Variants in COX11 observed in about 807,000 individuals in gnomAD.
COX11 encodes the protein cytochrome c oxidase assembly protein COX11, mitochondrial.
A neutral mutation model predicts 29.4 loss-of-function variants in COX11; 18 were observed. That is an observed-to-expected ratio of 0.61 (90% CI 0.42 to 0.91). COX11 has a LOEUF of 0.91. Ranked by LOEUF, COX11 falls within the 40% of genes least tolerant of loss-of-function variation. COX11 has a pLI of 0.00. For missense variants in COX11, 312 were observed against 346.0 expected (o/e 0.90, Z 0.78); for synonymous variants, 131 against 124.0 (o/e 1.06, Z -0.38).
Position 54,962,581 on chromosome 17 carries a change from C to T in COX11, c.*152G>A, listed in dbSNP as rs1408181119. The T allele has an allele frequency of 1.3e-5, 17 of 1,342,276 alleles. No homozygotes were observed. Among genetic ancestry groups the T allele is most frequent in the Non-Finnish European group, 2.9e-6 (3 of 1,046,806 alleles). 83.1% of individuals were successfully genotyped at this position (1,342,276 alleles called of 1,614,324 possible). The stretch of plus-strand genomic sequence containing the variant: ...TCTTATGATAAAAGCTGAACTTGTT[C>T]TCTCAAGTTTAAGTGAAAAAAATTA... On this transcript the variant is annotated 3_prime_UTR_variant, in exon 4 of 4. Transcript: ENST00000299335.
chr17:54,953,931 A>C (rs2049361366), exon 1 of COX11: 1 of 152,048 alleles, frequency 6.6e-6, no homozygotes, highest in Non-Finnish European at 1.5e-5. Flanking sequence ...TCTTATTATC[A>C]ATTTAGGAAT....
In COX11 at chr17:54,963,383, T is replaced by C. The variant is rs1161941934; in HGVS notation, c.571A>G (p.Thr191Ala). ...ALAFYRAKNP[T>A]DKPVIGISTY... Reference sequence around the variant, plus strand: ...GAAATTCCAATTACTGGTTTGTCAGTAGGATTCTTAGCTCTGTAAAACGCC... The same window carrying C: ...GAAATTCCAATTACTGGTTTGTCAGCAGGATTCTTAGCTCTGTAAAACGCC... Residue 191 changes from threonine to alanine, a missense_variant, in exon 3 of 4, where the codon ACT becomes GCT. Coordinates refer to ENST00000299335, the MANE Select transcript of COX11 (RefSeq NM_004375.5). 5 of 1,612,368 alleles carry C rather than the reference T, an allele frequency of 3.1e-6. No individual in the cohort carries two copies. The highest frequency in any genetic ancestry group is 1.3e-5 in the African/African-American group (1 of 74,870).
At chr17:54,964,229 T>G (rs1849764979) in intron 2 of COX11, among the ~76,000 whole-genome samples, 1 of 152,178 alleles carries the variant, frequency 6.6e-6, no homozygotes, top group African/African-American at 2.4e-5. Context: ...AACATAACTA[T>G]TTACTACTTA....
chr17:54,964,348 C>T, intron 2 of COX11: 1 of 208,500 alleles, frequency 4.8e-6, no homozygotes, highest in South Asian at 8.5e-5. Context: ...ACATTTTTCC[C>T]ATGTCTTCTA....
rs1262544934 is a variant in COX11, at chr17:54,961,450, C to A, written c.*1283G>T. ...AGATTTCAACAGAACTTGTTTGGAA[C>A]AAATACTCACTTAAAACTTCAGCAG... On this transcript the variant is annotated 3_prime_UTR_variant, in exon 4 of 4. Transcript: ENST00000299335. The A allele has an allele frequency of 6.8e-7, 1 of 1,480,340 alleles. No homozygotes were observed. Among genetic ancestry groups the A allele is most frequent in the Admixed American group, 2.5e-5 (1 of 39,762 alleles). 91.7% of individuals were successfully genotyped at this position (1,480,340 alleles called of 1,614,324 possible). A position where few individuals can be genotyped will look rare whatever the true frequency, so the allele number is the denominator to read the frequency against.
At position 54,961,553 on chromosome 17, in the gene COX11, T is replaced by C; in HGVS notation, c.*1180A>G. 2 of 1,365,688 alleles carry C rather than the reference T, an allele frequency of 1.5e-6. No individual in the cohort carries two copies. The highest frequency in any genetic ancestry group is 1.7e-5 in the South Asian group (1 of 58,016). 84.6% of individuals were successfully genotyped at this position (1,365,688 alleles called of 1,614,324 possible). A position where few individuals can be genotyped will look rare whatever the true frequency, so the allele number is the denominator to read the frequency against. ...TCACAGGCCTTCCTACATTTAGAAA[T>C]CGTCACACAGCTGTGATAAGAGTAG... On this transcript the variant is annotated 3_prime_UTR_variant, in exon 4 of 4. Transcript: ENST00000299335.
intron 1 of COX11, among the ~76,000 whole-genome samples, chr17:54,967,980 G>A (rs1567860168): frequency 6.9e-6 from 1 of 143,908 alleles, no homozygotes; most frequent in Non-Finnish European, 1.5e-5. Context: ...TAGATACCCG[G>A]TTAGAGGCTG....
At position 54,961,193 on chromosome 17, in the gene COX11, A is replaced by C. The variant is rs2077114806; in HGVS notation, c.*1540T>G. On this transcript the variant is annotated 3_prime_UTR_variant, in exon 4 of 4. Coordinates refer to ENST00000299335, the MANE Select transcript of COX11 (RefSeq NM_004375.5). ...AGTTATCAAGGAATGGGGAAAGAGAAGGACAGGATGAATACTGGCCATTTT... is the reference window on the plus strand; with the variant it reads ...AGTTATCAAGGAATGGGGAAAGAGACGGACAGGATGAATACTGGCCATTTT... 1.6e-6 allele frequency: 2 copies of C among 1,274,312 alleles called. No individual in the cohort carries two copies. The highest frequency in any genetic ancestry group is 2.2e-6 in the Non-Finnish European group (2 of 894,516). 78.9% of individuals were successfully genotyped at this position (1,274,312 alleles called of 1,614,324 possible).
chr17:54,962,188 T>C lies in COX11; in HGVS notation c.*545A>G. ...CTAAACCTTAAAGGACAAATCAAAT[T>C]TGAAATAAGAATTTAAATCTTTGGA... On this transcript the variant is annotated 3_prime_UTR_variant, in exon 4 of 4. Transcript: ENST00000299335. 1 of 973,526 alleles carries C rather than the reference T, an allele frequency of 1.0e-6. No homozygotes were observed. The highest frequency in any genetic ancestry group is 1.1e-4 in the East Asian group (1 of 8,772). 60.3% of individuals were successfully genotyped at this position (973,526 alleles called of 1,614,324 possible). A position where few individuals can be genotyped will look rare whatever the true frequency, so the allele number is the denominator to read the frequency against.
exon 1 of COX11, chr17:54,953,930 C>T (rs1192678400): frequency 6.6e-6 from 1 of 152,146 alleles, no homozygotes; most frequent in Non-Finnish European, 1.5e-5. Flanking sequence ...TTCTTATTAT[C>T]AATTTAGGAA....
At chr17:54,954,879 A>T (rs994818176) in exon 1 of COX11, 1 of 152,224 alleles carries the variant, frequency 6.6e-6, no homozygotes, top group African/African-American at 2.4e-5. Flanking sequence ...TTTCTTGCAA[A>T]AAAAGTCCAA....
At chr17:54,967,038 G>GCACA (rs1465499844) in intron 1 of COX11, among the ~76,000 whole-genome samples, 35 of 100,212 alleles carry the variant, frequency 3.5e-4, no homozygotes, top group African/African-American at 9.8e-4. Flanking sequence ...ACGTGCGCGC[G>GCACA]CGCGCACACA....
upstream of COX11, chr17:54,968,659 T>C (rs757949244): frequency 3.2e-5 from 51 of 1,595,338 alleles, no homozygotes; most frequent in South Asian, 5.3e-4. Context: ...CCCTCTGAAC[T>C]AACACCCACC....
chr17:54,966,750 T>C (rs573561622), intron 1 of COX11, among the ~76,000 whole-genome samples: 1 of 152,374 alleles, frequency 6.6e-6, no homozygotes, highest in African/African-American at 2.4e-5. Flanking sequence ...TGGTCTCTGA[T>C]GAAAAGTAAT....
In COX11 at chr17:54,964,870, A is replaced by G. The variant is rs765610760; in HGVS notation, c.367-18T>C. On this transcript the variant is annotated intron_variant, in intron 1 of 3. Coordinates refer to ENST00000299335, the MANE Select transcript of COX11 (RefSeq NM_004375.5). ...CCAGTAGTCTAGAAAAAGATACCAA[A>G]TATGTTAAACAATACTTTTAGGTGT... 1.2e-6 allele frequency: 2 copies of G among 1,608,688 alleles called. No homozygotes were observed. The highest frequency in any genetic ancestry group is 1.3e-5 in the African/African-American group (1 of 74,736).
rs576810355 is a variant in COX11, at chr17:54,968,486, C to T, written c.161G>A (p.Gly54Glu). The T allele has an allele frequency of 1.2e-5, 20 of 1,613,480 alleles. No individual in the cohort carries two copies. The East Asian group carries it at 4.0e-4, about 32-fold the overall frequency. The change falls in exon 1 of 4, where the codon GGG becomes GAG. Residue 54 changes from glycine to glutamate, a missense_variant. By Grantham distance (98) the Gly-to-Glu change is moderately conservative. This residue lies in a region of COX11 where 130 missense variants were observed against 106.0 expected (regional missense o/e 1.23). Coordinates refer to ENST00000299335, the MANE Select transcript of COX11 (RefSeq NM_004375.5). ...TCGAAGGCTGCAGCGCTTCCATGTC[C>T]CAAGCCACCTCAGTCCTCTCTCGGC... Reference protein sequence around the residue: ...GGAERGLRWLGTWKRCSLRAR... With the variant: ...GGAERGLRWLETWKRCSLRAR...
At chr17:54,959,087 G>C (rs962920147), downstream of COX11, 1 of 152,194 alleles carries the variant, frequency 6.6e-6, no homozygotes, top group Non-Finnish European at 1.5e-5. Context: ...GAGTTTAGAG[G>C]TTTGAGGAGA....
chr17:54,962,933 A>G lies in COX11; in HGVS notation c.649-18T>C. 1 of 1,585,776 alleles carries G rather than the reference A, an allele frequency of 6.3e-7. No homozygotes were observed. The highest frequency in any genetic ancestry group is 8.6e-7 in the Non-Finnish European group (1 of 1,158,854). Reference sequence around the variant, plus strand: ...CAGAAGCACTGGAAATTATAGAAAGATTTTAATAACATTTCTATTCTCGTA... The same window carrying G: ...CAGAAGCACTGGAAATTATAGAAAGGTTTTAATAACATTTCTATTCTCGTA... On this transcript the variant is annotated intron_variant, in intron 3 of 3. Transcript: ENST00000299335.
At chr17:54,963,241 A>C in intron 3 of COX11, 65 bp downstream of exon 3, 1 of 1,517,370 alleles carries the variant, frequency 6.6e-7, no homozygotes, top group Non-Finnish European at 8.9e-7. Context: ...CTAAAACACT[A>C]AGTTTCATAC....
Sources: allele counts gnomAD v4.1 joint callset (sites outside exome capture counted in the v4.1 genomes callset), GRCh38; gene constraint gnomAD v4.1.1; regional missense constraint gnomAD v4.1.1; transcripts MANE v1.5; gene names NCBI Gene and HGNC (gene_info 2026-07-23, HGNC 2026-07-21).